The following TPTE variants were observed in gnomAD, a reference collection of about 807,000 sequenced individuals.
TPTE encodes the protein putative tyrosine-protein phosphatase TPTE.
In TPTE, 59 loss-of-function variants were observed where a neutral mutation model predicts 84.1. That is an observed-to-expected ratio of 0.70 (90% CI 0.57 to 0.87). The LOEUF (loss-of-function observed/expected upper bound fraction) is 0.87, where lower values mean the gene tolerates loss of function less well. TPTE is among the 40% of genes least tolerant of loss of function. The probability of loss-of-function intolerance (pLI) is 0.00; values close to 1 mark genes in which losing one functional copy is unlikely to be tolerated. For missense variants in TPTE, 382 were observed against 659.6 expected, an observed-to-expected ratio of 0.58 and a Z score of 4.61; for synonymous variants, 130 against 223.5, an observed-to-expected ratio of 0.58 and a Z score of 3.73.
intron 5 of TPTE, among the ~76,000 whole-genome samples, chr21:10,541,907 A>G (rs980597439): frequency 2.0e-5 from 3 of 152,296 alleles, no homozygotes; most frequent in South Asian, 2.1e-4. Flanking sequence ...CTGCCACCAC[A>G]GAGGCTGGTG....
intron 3 of TPTE, among the ~76,000 whole-genome samples, chr21:10,528,390 A>G (rs2145579390): frequency 6.6e-6 from 1 of 152,430 alleles, no homozygotes; most frequent in East Asian, 1.9e-4. Context: ...TTCATGGGAA[A>G]ATAGTTTTCT....
chr21:10,527,285 G>C (rs2074097868), intron 2 of TPTE, 70 bp from the exon 3 acceptor site: 1 of 152,764 alleles, frequency 6.5e-6, no homozygotes, highest in South Asian at 2.1e-4. Flanking sequence ...ATACTGTTGA[G>C]ATTAACATCC....
chr21:10,537,522 C>A (rs1273783149), intron 3 of TPTE, among the ~76,000 whole-genome samples: 2 of 152,392 alleles, frequency 1.3e-5, no homozygotes, highest in African/African-American at 4.8e-5. Context: ...ACTAAAAATA[C>A]AAAAAATTAG....
At chr21:10,524,840 A>T (rs1328044802) in intron 2 of TPTE, among the ~76,000 whole-genome samples, 152 bp downstream of exon 2, 2 of 152,310 alleles carry the variant, frequency 1.3e-5, no homozygotes, top group East Asian at 3.8e-4. Context: ...CCTACTGCAG[A>T]TGAGCTGGTA....
chr21:10,593,728 C>CT (rs538779410), intron 19 of TPTE, among the ~76,000 whole-genome samples: 202 of 152,126 alleles, frequency 1.3e-3, no homozygotes, highest in South Asian at 3.1e-3. Context: ...GAAGCCCTTG[C>CT]TGTGCACAGC....
At chr21:10,564,402 C>G (rs1392997230) in intron 10 of TPTE, among the ~76,000 whole-genome samples, 3 of 152,312 alleles carry the variant, frequency 2.0e-5, no homozygotes, top group African/African-American at 7.2e-5. Context: ...TTCAGCTACT[C>G]ATGAGGCCGA....
chr21:10,524,533 A>G (rs1454001766), intron 1 of TPTE, 47 bp from the exon 2 acceptor site: 1 of 152,510 alleles, frequency 6.6e-6, no homozygotes, highest in South Asian at 2.1e-4. Flanking sequence ...AAAGGCAACA[A>G]GAGAGAAAAC....
intron 10 of TPTE, among the ~76,000 whole-genome samples, chr21:10,563,188 A>T (rs1279201425): frequency 3.9e-5 from 6 of 152,308 alleles, no homozygotes; most frequent in Admixed American, 6.5e-5. Flanking sequence ...AGGGGAAATA[A>T]AGACTTTTCC....
intron 17 of TPTE, among the ~76,000 whole-genome samples, chr21:10,590,059 G>A: frequency 6.6e-6 from 1 of 152,308 alleles, no homozygotes; most frequent in Non-Finnish European, 1.5e-5. Flanking sequence ...TTATATGTGA[G>A]ACTGGTGTAA....
At chr21:10,573,972 G>A (rs1174175281) in intron 14 of TPTE, among the ~76,000 whole-genome samples, 2 of 152,284 alleles carry the variant, frequency 1.3e-5, no homozygotes, top group African/African-American at 2.4e-5. Context: ...TGGATTCAAG[G>A]AGTAGAAAAT....
intron 10 of TPTE, among the ~76,000 whole-genome samples, chr21:10,566,530 A>G (rs1205471666): frequency 6.6e-6 from 1 of 152,308 alleles, no homozygotes; most frequent in Non-Finnish European, 1.5e-5. Flanking sequence ...AAAGGAAATC[A>G]CTATATAGAA....
chr21:10,574,936 A>C (rs1282414818), intron 14 of TPTE, among the ~76,000 whole-genome samples: 1 of 152,312 alleles, frequency 6.6e-6, no homozygotes, highest in Admixed American at 6.5e-5. Context: ...TCTTCAGCAC[A>C]GTGGGAAATC....
chr21:10,581,065 G>A (rs574902684), intron 17 of TPTE, among the ~76,000 whole-genome samples: 39 of 152,350 alleles, frequency 2.6e-4, no homozygotes, highest in African/African-American at 9.1e-4. Context: ...ATATAATTCA[G>A]TAAAATCAAG....
At chr21:10,524,043 A>G (rs796257095) in intron 1 of TPTE, among the ~76,000 whole-genome samples, 1 of 152,310 alleles carries the variant, frequency 6.6e-6, no homozygotes, top group South Asian at 2.1e-4. Context: ...AGCTCGTTCT[A>G]TTCCCCATTC....
intron 8 of TPTE, among the ~76,000 whole-genome samples, chr21:10,555,973 C>T (rs2074674680): frequency 2.0e-5 from 3 of 152,300 alleles, no homozygotes; most frequent in Admixed American, 2.0e-4. Context: ...CAAATCAATA[C>T]TATTATTCAT....
intron 23 of TPTE, among the ~76,000 whole-genome samples, chr21:10,604,956 G>C (rs1979094049): frequency 6.6e-6 from 1 of 152,308 alleles, no homozygotes; most frequent in Non-Finnish European, 1.5e-5. Context: ...ACCAATTTAT[G>C]CCTAGTGTTC....
intron 9 of TPTE, among the ~76,000 whole-genome samples, chr21:10,560,129 A>G (rs1235728738): frequency 2.0e-5 from 3 of 152,300 alleles, no homozygotes; most frequent in Admixed American, 6.5e-5. Flanking sequence ...ATTGTAATAT[A>G]TTAATATTGT....
intron 14 of TPTE, among the ~76,000 whole-genome samples, chr21:10,572,313 G>A (rs12626818): frequency 6.6e-6 from 1 of 151,750 alleles, no homozygotes; most frequent in Non-Finnish European, 1.5e-5. Context: ...TTACCTGGGT[G>A]TGGTGGCGTG....
intron 3 of TPTE, among the ~76,000 whole-genome samples, chr21:10,538,457 A>G (rs1172158067): frequency 6.6e-6 from 1 of 152,312 alleles, no homozygotes; most frequent in Non-Finnish European, 1.5e-5. Flanking sequence ...AGGTTTATTT[A>G]AATCTGAAAG....
Sources: gnomAD v4.1 joint callset for allele counts (sites outside exome capture counted in the v4.1 genomes callset) on GRCh38, gnomAD v4.1.1 for gene constraint, MANE v1.5 for transcripts, NCBI Gene and HGNC (gene_info 2026-07-23, HGNC 2026-07-21) for gene names.